Variants in DPY19L2 observed in about 807,000 individuals in gnomAD.
DPY19L2 encodes probable C-mannosyltransferase DPY19L2.
Under a neutral mutation model 97.9 loss-of-function variants are expected in DPY19L2, and 34 were observed. That is an observed-to-expected ratio of 0.35 (90% CI 0.26 to 0.46). The LOEUF (loss-of-function observed/expected upper bound fraction) is 0.46. Among genes scored for constraint, DPY19L2 ranks in the 20% least tolerant of loss-of-function variants. DPY19L2 has a pLI of 1.00. For synonymous variants in DPY19L2, 230 were observed against 307.9 expected, an observed-to-expected ratio of 0.75 and a Z score of 2.65; for missense variants, 623 against 911.4, an observed-to-expected ratio of 0.68 and a Z score of 4.07.
At chr12:63,621,922 GA>G (rs1337746792) in intron 8 of DPY19L2, among the ~76,000 whole-genome samples, 2 of 152,018 alleles carry the variant, frequency 1.3e-5, no homozygotes, top group Non-Finnish European at 2.9e-5. Flanking sequence ...TTTTACCACA[GA>G]GAATTACAGT....
At chr12:63,566,448 C>T (rs1877720554) in intron 21 of DPY19L2, among the ~76,000 whole-genome samples, 1 of 151,938 alleles carries the variant, frequency 6.6e-6, no homozygotes, top group East Asian at 1.9e-4. Flanking sequence ...ACTATACTCC[C>T]CCCACATTCC....
intron 21 of DPY19L2, among the ~76,000 whole-genome samples, chr12:63,562,666 GT>G (rs929154550): frequency 6.6e-5 from 10 of 150,496 alleles, no homozygotes; most frequent in African/African-American, 1.7e-4. Context: ...ACACTTGGCA[GT>G]TTTTTTTTCA....
At chr12:63,662,269 C>G (rs1895775967) in intron 3 of DPY19L2, among the ~76,000 whole-genome samples, 1 of 152,046 alleles carries the variant, frequency 6.6e-6, no homozygotes, top group Non-Finnish European at 1.5e-5. Context: ...AATGCATTCT[C>G]CCTAAAAAAT....
intron 12 of DPY19L2, among the ~76,000 whole-genome samples, chr12:63,607,897 T>C (rs1434732070): frequency 2.0e-5 from 3 of 151,752 alleles, no homozygotes; most frequent in Non-Finnish European, 4.4e-5. Flanking sequence ...CCTCCCAAAG[T>C]GCTGTGATTA....
intron 2 of DPY19L2, among the ~76,000 whole-genome samples, chr12:63,664,562 C>A (rs944090431): frequency 1.4e-4 from 21 of 151,996 alleles, no homozygotes; most frequent in African/African-American, 5.1e-4. Context: ...TAGATCAAAG[C>A]AGACTTACAA....
chr12:63,600,217 A>C (rs1234966189), intron 13 of DPY19L2, 89 bp downstream of exon 13: 1 of 1,119,016 alleles, frequency 8.9e-7, no homozygotes, highest in Non-Finnish European at 1.3e-6. Flanking sequence ...AACCTCTGTA[A>C]AATGAAGAGA....
At position 63,668,217 on chromosome 12, in the gene DPY19L2, G is replaced by C. The variant is rs1384587431; in HGVS notation, c.177C>G (p.Ile59Met). Residue 59 changes from isoleucine (I) to methionine (M), a missense_variant, in exon 1 of 22, where the codon ATC (isoleucine) becomes ATG (methionine). Around this residue, in one of 6 missense-constraint regions of DPY19L2, gnomAD observed 144 missense variants for 119.4 expected, o/e 1.21. Transcript: ENST00000324472. Reference protein sequence around the residue: ...RGSWRSSPGRIQSLKERKGLE... With the variant: ...RGSWRSSPGRMQSLKERKGLE... ...AGCCTTTTCGCTCTTTCAGACTTTGGATCCTCCCCGGGGAGGACCTCCAGG... is the reference window on the plus strand; with the variant it reads ...AGCCTTTTCGCTCTTTCAGACTTTGCATCCTCCCCGGGGAGGACCTCCAGG... 9.9e-6 allele frequency: 16 copies of C among 1,613,818 alleles called. No homozygotes were observed. The highest frequency in any genetic ancestry group is 1.2e-5 in the Non-Finnish European group (14 of 1,179,902).
chr12:63,600,468 G>GAA, intron 12 of DPY19L2, 82 bp from the exon 13 acceptor site: 2 of 1,207,580 alleles, frequency 1.7e-6, no homozygotes, highest in Admixed American at 4.2e-5. Context: ...AAATGACATA[G>GAA]AAAAAATTTA....
At chr12:63,653,992 T>TA (rs1222351473) in intron 4 of DPY19L2, among the ~76,000 whole-genome samples, 6 of 149,766 alleles carry the variant, frequency 4.0e-5, no homozygotes, top group South Asian at 2.1e-4. Flanking sequence ...TAAGAAAAAC[T>TA]AAAAAAAAAT....
At chr12:63,605,318 T>C (rs528268733) in intron 12 of DPY19L2, among the ~76,000 whole-genome samples, 4 of 152,194 alleles carry the variant, frequency 2.6e-5, no homozygotes, top group Admixed American at 1.3e-4. Context: ...TGGGCAGGCT[T>C]CTTGGAGGGA....
At chr12:63,657,560 T>G (rs960233147) in intron 4 of DPY19L2, among the ~76,000 whole-genome samples, 8 of 84,308 alleles carry the variant, frequency 9.5e-5, no homozygotes, top group East Asian at 6.4e-4. Context: ...AACATTTAGG[T>G]TTTTTTTTTC....
intron 5 of DPY19L2, 52 bp from the exon 6 acceptor site, chr12:63,644,548 A>T (rs780096203): frequency 6.3e-7 from 1 of 1,581,044 alleles, no homozygotes. Context: ...ACTCTAAGGC[A>T]ATTGGGCATA....
chr12:63,564,672 T>C (rs1221381550), intron 21 of DPY19L2, among the ~76,000 whole-genome samples: 1 of 152,178 alleles, frequency 6.6e-6, no homozygotes, highest in Non-Finnish European at 1.5e-5. Context: ...TGATAAATAG[T>C]CTGCGTGTGC....
chr12:63,647,174 A>G (rs1347946763), intron 5 of DPY19L2, 71 bp downstream of exon 5: 79 of 1,106,792 alleles, frequency 7.1e-5, no homozygotes, highest in Non-Finnish European at 9.6e-5. Context: ...AATAATTCTT[A>G]AAAGTGAATC....
intron 4 of DPY19L2, among the ~76,000 whole-genome samples, chr12:63,649,048 C>T (rs116395085): frequency 0.05 from 7,640 of 151,906 alleles, 323 homozygotes; most frequent in East Asian, 0.13. Context: ...CATAATTACA[C>T]GGAATTTAAA....
chr12:63,612,531 T>C (rs1187289488), intron 11 of DPY19L2, among the ~76,000 whole-genome samples: 3 of 149,828 alleles, frequency 2.0e-5, no homozygotes, highest in Non-Finnish European at 4.4e-5. Flanking sequence ...GAAAAGTTTA[T>C]AGCACTAAAC....
intron 16 of DPY19L2, among the ~76,000 whole-genome samples, chr12:63,591,590 T>C (rs1386477281): frequency 6.6e-6 from 1 of 152,144 alleles, no homozygotes; most frequent in East Asian, 1.9e-4. Context: ...CGATACATTT[T>C]GCTGGCATCT....
intron 16 of DPY19L2, among the ~76,000 whole-genome samples, chr12:63,589,337 G>A (rs1200920170): frequency 1.1e-5 from 1 of 89,802 alleles, no homozygotes; most frequent in African/African-American, 4.1e-5. Context: ...TTGGTAATGT[G>A]GCTAGATAAA....
At chr12:63,638,866 A>G (rs1332905393) in intron 6 of DPY19L2, among the ~76,000 whole-genome samples, 1 of 152,158 alleles carries the variant, frequency 6.6e-6, no homozygotes. Context: ...AAAAGTTCAT[A>G]TGGAACCAAA....
Sources: allele counts gnomAD v4.1 joint callset (sites outside exome capture counted in the v4.1 genomes callset), GRCh38; gene constraint gnomAD v4.1.1; regional missense constraint gnomAD v4.1.1; transcripts MANE v1.5; gene names NCBI Gene and HGNC (gene_info 2026-07-23, HGNC 2026-07-21).